UGT1A10: variants seen among roughly 807,000 people sequenced by gnomAD.
The protein encoded by UGT1A10 is UDP glucuronosyltransferase family 1 member A10, also known as UDP-glucuronosyltransferase 1A10.
UGT1A10 carries 49 observed loss-of-function variants against 45.8 expected under a neutral mutation model. The ratio of observed to expected loss-of-function variants is 1.07; its 90% CI spans 0.85 to 1.36. The LOEUF is 1.36. UGT1A10 is among the 40% of genes most tolerant of loss of function. UGT1A10 has a pLI of 0.00. For missense variants in UGT1A10, 745 were observed against 668.6 expected (o/e 1.11, Z -1.26); for synonymous variants, 284 against 249.7 (o/e 1.14, Z -1.29).
At chr2:233,739,918 T>C (rs1575632669) in intron 1 of UGT1A10, among the ~76,000 whole-genome samples, 1 of 151,914 alleles carries the variant, frequency 6.6e-6, no homozygotes, top group East Asian at 1.9e-4. Flanking sequence ...GTAATTTCCA[T>C]AATCCCCATG....
intron 1 of UGT1A10, among the ~76,000 whole-genome samples, chr2:233,657,279 G>A (rs1210203566): frequency 3.3e-5 from 5 of 152,100 alleles, no homozygotes; most frequent in Non-Finnish European, 5.9e-5. Context: ...TGCTCTAAAG[G>A]AATACCTGGG....
intron 1 of UGT1A10, among the ~76,000 whole-genome samples, chr2:233,654,470 A>G (rs2073810834): frequency 6.6e-6 from 1 of 152,242 alleles, no homozygotes; most frequent in Admixed American, 6.5e-5. Context: ...AAAATTAAGT[A>G]GTTTACAGCA....
intron 4 of UGT1A10, chr2:233,770,928 C>T (rs1253258024): frequency 6.6e-6 from 1 of 152,180 alleles, no homozygotes; most frequent in African/African-American, 2.4e-5. Context: ...GCTGACATCA[C>T]TTGGCTGCCG....
At chr2:233,662,019 T>C (rs1189609098) in intron 1 of UGT1A10, among the ~76,000 whole-genome samples, 1 of 152,156 alleles carries the variant, frequency 6.6e-6, no homozygotes, top group Non-Finnish European at 1.5e-5. Context: ...CTTGCAACAC[T>C]TGAACTCCCT....
intron 1 of UGT1A10, among the ~76,000 whole-genome samples, chr2:233,705,647 C>G (rs1279287310): frequency 6.6e-6 from 1 of 152,122 alleles, no homozygotes; most frequent in Non-Finnish European, 1.5e-5. Flanking sequence ...AGTTGAAGGT[C>G]TTCTCATAAA....
intron 1 of UGT1A10, chr2:233,747,471 G>T (rs1218539477): frequency 6.2e-7 from 1 of 1,608,714 alleles, no homozygotes; most frequent in African/African-American, 1.3e-5. Flanking sequence ...ATGGACCCAG[G>T]ATGAATTTGA....
intron 1 of UGT1A10, among the ~76,000 whole-genome samples, chr2:233,685,069 A>AT (rs1419211774): frequency 6.6e-6 from 1 of 151,848 alleles, no homozygotes; most frequent in Non-Finnish European, 1.5e-5. Flanking sequence ...TGCACAGGAG[A>AT]TTTTTTTTCT....
chr2:233,639,549 T>C (rs1026816953), intron 1 of UGT1A10, among the ~76,000 whole-genome samples: 1 of 152,188 alleles, frequency 6.6e-6, no homozygotes, highest in Non-Finnish European at 1.5e-5. Flanking sequence ...GTCTCATCTG[T>C]CTGATGAGAA....
chr2:233,726,656 T>G (rs1331581430), intron 1 of UGT1A10, among the ~76,000 whole-genome samples: 1 of 152,184 alleles, frequency 6.6e-6, no homozygotes, highest in Non-Finnish European at 1.5e-5. Flanking sequence ...ACTCTTAATT[T>G]AATCATATCT....
intron 1 of UGT1A10, chr2:233,691,021 A>G (rs2075025310): frequency 2.0e-6 from 2 of 992,830 alleles, no homozygotes; most frequent in Admixed American, 5.8e-5. Flanking sequence ...CTGTGGTTGG[A>G]AGGGCTCAGA....
Position 233,660,663 on chromosome 2 carries a change from C to T in UGT1A10, c.855+23286C>T, listed in dbSNP as rs183151199. Among the ~76,000 whole-genome samples the T allele has an allele frequency of 4.6e-5, 7 of 151,810 alleles. No homozygotes were observed. The South Asian group carries it at 6.3e-4, about 14-fold the overall frequency. The stretch of plus-strand genomic sequence containing the variant: ...TAAATTGGACTGTATTTGCATAAGA[C>T]GACAGAGTTAGTCTATCTCTTCCTG... On this transcript the variant is annotated intron_variant, in intron 1 of 4. Coordinates refer to ENST00000344644, the MANE Select transcript of UGT1A10 (RefSeq NM_019075.4).
chr2:233,642,286 C>T (rs578008238), intron 1 of UGT1A10, among the ~76,000 whole-genome samples: 1 of 152,302 alleles, frequency 6.6e-6, no homozygotes, highest in South Asian at 2.1e-4. Flanking sequence ...TTGGTCCATT[C>T]TGCTATTAAA....
chr2:233,659,236 A>C (rs2073917012), intron 1 of UGT1A10, among the ~76,000 whole-genome samples: 2 of 152,202 alleles, frequency 1.3e-5, no homozygotes, highest in Non-Finnish European at 2.9e-5. Flanking sequence ...ACCCTTGAAC[A>C]ATGTGGAGAT....
rs199723856 is a variant in UGT1A10, at chr2:233,772,452, G to C, written c.1486G>C (p.Val496Leu). Residue 496 changes from valine (V) to leucine (L), a missense_variant, in exon 5 of 5, where the codon GTG (valine) becomes CTG (leucine). By Grantham distance (32) the Val-to-Leu change is conservative. Coordinates refer to ENST00000344644, the MANE Select transcript of UGT1A10 (RefSeq NM_019075.4). ...LDVIGFLLAV[V>L]LTVAFITFKC... Reference sequence around the variant, plus strand: ...CGTGATTGGTTTCCTCTTGGCCGTCGTGCTGACAGTGGCCTTCATCACCTT... The same window carrying C: ...CGTGATTGGTTTCCTCTTGGCCGTCCTGCTGACAGTGGCCTTCATCACCTT... 6.2e-7 allele frequency: 1 copy of C among 1,614,176 alleles called. No homozygotes were observed. Among genetic ancestry groups the C allele is most frequent in the Non-Finnish European group, 8.5e-7 (1 of 1,180,044 alleles).
At chr2:233,647,963 C>T (rs1318590414) in intron 1 of UGT1A10, 13 of 1,606,928 alleles carry the variant, frequency 8.1e-6, no homozygotes, top group Admixed American at 5.0e-5. Flanking sequence ...ACCATGTGGT[C>T]GGTGGTGGAG....
intron 1 of UGT1A10, chr2:233,747,617 G>A (rs1693730880): frequency 1.3e-5 from 20 of 1,575,570 alleles, no homozygotes; most frequent in Non-Finnish European, 1.7e-5. Context: ...TGCATAATGA[G>A]GCCCTGATCA....
chr2:233,660,737 G>A (rs973947074), intron 1 of UGT1A10, among the ~76,000 whole-genome samples: 1 of 152,044 alleles, frequency 6.6e-6, no homozygotes, highest in Non-Finnish European at 1.5e-5. Flanking sequence ...AATGTCTTTT[G>A]TGGCATTTTT....
intron 1 of UGT1A10, among the ~76,000 whole-genome samples, chr2:233,759,549 T>A (rs1172160092): frequency 6.6e-6 from 1 of 152,280 alleles, no homozygotes; most frequent in South Asian, 2.1e-4. Context: ...TGCGCTCCAG[T>A]GAATTTCCCT....
intron 1 of UGT1A10, among the ~76,000 whole-genome samples, chr2:233,705,064 A>G (rs2075819913): frequency 6.6e-6 from 1 of 151,184 alleles, no homozygotes; most frequent in South Asian, 2.1e-4. Flanking sequence ...TGAACCCGGG[A>G]GGCGGAGGTT....
Sources: allele counts gnomAD v4.1 joint callset (sites outside exome capture counted in the v4.1 genomes callset), GRCh38; gene constraint gnomAD v4.1.1; transcripts MANE v1.5; gene names NCBI Gene and HGNC (gene_info 2026-07-23, HGNC 2026-07-21).